PPP1R14D: variants seen among roughly 807,000 people sequenced by gnomAD.
PPP1R14D encodes protein phosphatase 1 regulatory subunit 14D.
In PPP1R14D, 14 loss-of-function variants were observed where a neutral mutation model predicts 17.1. The ratio of observed to expected loss-of-function variants is 0.82; its 90% CI spans 0.54 to 1.28. PPP1R14D has a LOEUF of 1.28. Among genes scored for constraint, PPP1R14D ranks in the 50% most tolerant of loss-of-function variants. The pLI is 0.00. For synonymous variants in PPP1R14D, 67 were observed against 66.1 expected (o/e 1.01, Z -0.06); for missense variants, 173 against 179.2 (o/e 0.97, Z 0.20).
intron 3 of PPP1R14D, 50 bp downstream of exon 3, chr15:40,815,912 C>T: frequency 1.9e-6 from 3 of 1,606,350 alleles, no homozygotes; most frequent in Non-Finnish European, 2.6e-6. Flanking sequence ...TTAGCTACCT[C>T]CCCCATTGGG....
intron 1 of PPP1R14D, among the ~76,000 whole-genome samples, chr15:40,823,704 T>C (rs1890822854): frequency 1.3e-5 from 2 of 152,194 alleles, no homozygotes; most frequent in South Asian, 4.1e-4. Context: ...CTACACCATA[T>C]AGCCTACATG....
At chr15:40,823,775 GAAATTGCTTAA>G (rs1423927180) in intron 1 of PPP1R14D, among the ~76,000 whole-genome samples, 36 of 152,172 alleles carry the variant, frequency 2.4e-4, no homozygotes, top group African/African-American at 7.9e-4. Context: ...GCACAATGAT[GAAATTGCTTAA>G]CAATGTAGCA....
intron 1 of PPP1R14D, among the ~76,000 whole-genome samples, chr15:40,820,222 G>C (rs533881947): frequency 6.6e-6 from 1 of 150,794 alleles, no homozygotes; most frequent in South Asian, 2.1e-4. Context: ...GCAGTGGTGC[G>C]ATCTCGGCTT....
At chr15:40,828,316 C>T (rs891815292) in intron 1 of PPP1R14D, 71 bp downstream of exon 1, 69 of 1,499,802 alleles carry the variant, frequency 4.6e-5, no homozygotes, top group Non-Finnish European at 5.7e-5. Context: ...CCTCCAGCTC[C>T]TGTGAAGGTC....
chr15:40,825,416 G>A (rs1890854849), intron 1 of PPP1R14D, among the ~76,000 whole-genome samples: 2 of 152,124 alleles, frequency 1.3e-5, no homozygotes, highest in Non-Finnish European at 2.9e-5. Context: ...GGCAAATCAT[G>A]CTCTACCTCC....
Position 40,815,551 on chromosome 15 carries a change from C to A in PPP1R14D, c.*145G>T. 1 of 1,041,284 alleles carries A rather than the reference C, an allele frequency of 9.6e-7. No homozygotes were observed. Among genetic ancestry groups the A allele is most frequent in the South Asian group, 1.8e-5 (1 of 56,728 alleles). The allele number at this position is 1,041,284 out of a possible 1,614,324, so 64.5% of individuals were successfully genotyped here. Reference sequence around the variant, plus strand: ...CCAGCTGACAGAAACTAGCTGTGACCACACAGACAGTAGGAGTATGCAAAT... The same window carrying A: ...CCAGCTGACAGAAACTAGCTGTGACAACACAGACAGTAGGAGTATGCAAAT... On this transcript the variant is annotated 3_prime_UTR_variant, in exon 4 of 4. Transcript: ENST00000299174.
chr15:40,816,021 C>T, intron 2 of PPP1R14D, 27 bp from the exon 3 acceptor site: 1 of 1,613,630 alleles, frequency 6.2e-7, no homozygotes. Context: ...ACAGACAGGG[C>T]CCCAAGTCAC....
chr15:40,828,642 G>GGAA lies in PPP1R14D; in HGVS notation c.-4_-2dup. On this transcript the variant is annotated 5_prime_UTR_variant, in exon 1 of 4. Transcript: ENST00000299174. ...AGGAAGCAGGGCTTGAAGACAGCAT[G>GGAA]GAAGTATTGGTCTGGGCAAGGAGCT... 6.2e-7 allele frequency: 1 copy of GGAA among 1,606,624 alleles called. No individual in the cohort carries two copies. The highest frequency in any genetic ancestry group is 1.7e-5 in the Admixed American group (1 of 59,466).
At position 40,816,252 on chromosome 15, in the gene PPP1R14D, T is replaced by C. The variant is rs1267273593; in HGVS notation, c.257A>G (p.Asp86Gly). The C allele has an allele frequency of 3.7e-6, 6 of 1,613,850 alleles. No homozygotes were observed. The highest frequency in any genetic ancestry group is 5.1e-6 in the Non-Finnish European group (6 of 1,179,816). Reference protein sequence around the residue: ...VDAQVQELFQDQATPSEPEID... With the variant: ...VDAQVQELFQGQATPSEPEID... ...CTCAGGCTCAGAAGGGGTTGCTTGA[T>C]CCTATTTGGAAATCACATGGGTCTC... Residue 86 changes from aspartate to glycine, a missense_variant and splice_region_variant, in exon 2 of 4, where the codon GAT (aspartate) becomes GGT (glycine). By Grantham distance (94) the Asp-to-Gly change is moderately conservative. Coordinates refer to ENST00000299174, the MANE Select transcript of PPP1R14D (RefSeq NM_017726.8).
intron 1 of PPP1R14D, among the ~76,000 whole-genome samples, chr15:40,819,893 G>A (rs924232698): frequency 4.7e-5 from 7 of 149,094 alleles, no homozygotes; most frequent in African/African-American, 7.4e-5. Flanking sequence ...TGAGATGGAG[G>A]TTTGCTCTTG....
chr15:40,819,791 G>A (rs1383535911), intron 1 of PPP1R14D, among the ~76,000 whole-genome samples: 1 of 151,974 alleles, frequency 6.6e-6, no homozygotes, highest in Non-Finnish European at 1.5e-5. Context: ...CTATTGTGCT[G>A]GAGGGGTGCT....
intron 1 of PPP1R14D, chr15:40,817,247 C>T: frequency 6.5e-6 from 2 of 307,536 alleles, no homozygotes; most frequent in Admixed American, 3.3e-5. Context: ...ATCCCAGCTA[C>T]TCCAGGAGCT....
At chr15:40,824,419 G>A (rs1890836631) in intron 1 of PPP1R14D, among the ~76,000 whole-genome samples, 1 of 150,448 alleles carries the variant, frequency 6.6e-6, no homozygotes, top group African/African-American at 2.5e-5. Context: ...CACCCAGGCT[G>A]GAGTGCAGTG....
At chr15:40,815,882 T>C in intron 3 of PPP1R14D, 80 bp downstream of exon 3, 1 of 1,506,768 alleles carries the variant, frequency 6.6e-7, no homozygotes, top group Non-Finnish European at 9.0e-7. Flanking sequence ...CAGCCAAGCC[T>C]TCCCTTCAAA....
At chr15:40,827,104 C>G (rs1190911969) in intron 1 of PPP1R14D, among the ~76,000 whole-genome samples, 4 of 152,216 alleles carry the variant, frequency 2.6e-5, no homozygotes, top group African/African-American at 9.6e-5. Flanking sequence ...ACTTTGGTTA[C>G]TCTTAACATT....
At chr15:40,822,952 C>A (rs1307587490) in intron 1 of PPP1R14D, among the ~76,000 whole-genome samples, 2 of 148,374 alleles carry the variant, frequency 1.3e-5, no homozygotes, top group Admixed American at 6.9e-5. Context: ...GTGCACACCA[C>A]CACATCCGGC....
At chr15:40,816,717 C>T (rs991421351) in intron 1 of PPP1R14D, among the ~76,000 whole-genome samples, 5 of 150,586 alleles carry the variant, frequency 3.3e-5, no homozygotes, top group Admixed American at 1.3e-4. Context: ...GAGACTTCGT[C>T]GCAAAAAAAA....
intron 1 of PPP1R14D, among the ~76,000 whole-genome samples, chr15:40,816,914 A>C (rs1165950060): frequency 6.6e-6 from 1 of 151,464 alleles, no homozygotes; most frequent in Non-Finnish European, 1.5e-5. Context: ...TCTACTAAAA[A>C]TGCAAAAAGT....
intron 1 of PPP1R14D, among the ~76,000 whole-genome samples, chr15:40,825,544 G>T (rs1890857007): frequency 6.6e-6 from 1 of 152,132 alleles, no homozygotes; most frequent in South Asian, 2.1e-4. Context: ...AACGAAGGTT[G>T]GTCCCAAGAT....
Sources: gnomAD v4.1 joint callset for allele counts (sites outside exome capture counted in the v4.1 genomes callset) on GRCh38, gnomAD v4.1.1 for gene constraint, MANE v1.5 for transcripts, NCBI Gene and HGNC (gene_info 2026-07-23, HGNC 2026-07-21) for gene names.